Variants in ARB2A observed in about 807,000 individuals in gnomAD.
ARB2A encodes the protein ARB2 cotranscriptional regulator A.
At chr5:93,928,867 G>A in the ARB2A span, among the ~76,000 whole-genome samples, 4 of 151,858 alleles carry the variant, frequency 2.6e-5, no homozygotes, top group African/African-American at 4.8e-5. Context: ...GTACCAGCAC[G>A]TGCACATATA....
the ARB2A span, among the ~76,000 whole-genome samples, chr5:93,880,606 T>C: frequency 6.6e-6 from 1 of 151,774 alleles, no homozygotes; most frequent in Non-Finnish European, 1.5e-5. Flanking sequence ...ACCCGTAGCA[T>C]TTTCGACATG....
At chr5:94,059,192 CA>C in the ARB2A span, among the ~76,000 whole-genome samples, 1 of 148,062 alleles carries the variant, frequency 6.8e-6, no homozygotes, top group Non-Finnish European at 1.5e-5. Flanking sequence ...AAAAAAAAAA[CA>C]ATAGTTTTTA....
the ARB2A span, among the ~76,000 whole-genome samples, chr5:94,042,185 A>C: frequency 6.6e-6 from 1 of 152,178 alleles, no homozygotes; most frequent in African/African-American, 2.4e-5. Flanking sequence ...TCGTAAAAAA[A>C]ATTCTGTGTG....
chr5:93,753,757 C>G, the ARB2A span, among the ~76,000 whole-genome samples: 8 of 152,118 alleles, frequency 5.3e-5, no homozygotes, highest in African/African-American at 1.9e-4. Flanking sequence ...CCTGTCTAAG[C>G]TATAGTAGGG....
chr5:93,828,377 G>T, the ARB2A span, among the ~76,000 whole-genome samples: 4 of 152,188 alleles, frequency 2.6e-5, no homozygotes, highest in Non-Finnish European at 4.4e-5. Context: ...GTTCACTCAT[G>T]ATTTGGCTCT....
the ARB2A span, chr5:93,776,117 T>A: frequency 6.7e-7 from 1 of 1,490,568 alleles, no homozygotes; most frequent in South Asian, 1.3e-5. Context: ...TTTTTCACCC[T>A]GAAAAACAAC....
chr5:94,067,900 T>C, the ARB2A span, among the ~76,000 whole-genome samples: 1 of 152,172 alleles, frequency 6.6e-6, no homozygotes, highest in Non-Finnish European at 1.5e-5. Context: ...GGAGAGATCA[T>C]GCTAACCTGA....
At chr5:94,032,369 C>CCAGAGA in the ARB2A span, among the ~76,000 whole-genome samples, 1 of 152,082 alleles carries the variant, frequency 6.6e-6, no homozygotes, top group African/African-American at 2.4e-5. Context: ...AGAGCCAGAG[C>CCAGAGA]CAGAGACAGA....
chr5:93,912,594 T>A, the ARB2A span, among the ~76,000 whole-genome samples: 3 of 151,810 alleles, frequency 2.0e-5, no homozygotes, highest in African/African-American at 7.2e-5. Flanking sequence ...ATGGAAATTT[T>A]ATTTTGGTCC....
chr5:93,730,736 A>G, the ARB2A span, among the ~76,000 whole-genome samples: 1 of 152,172 alleles, frequency 6.6e-6, no homozygotes, highest in Non-Finnish European at 1.5e-5. Context: ...AGCTTTCTTA[A>G]TAAGTTCACA....
At chr5:93,683,021 G>A in the ARB2A span, 2 of 1,571,372 alleles carry the variant, frequency 1.3e-6, no homozygotes, top group Non-Finnish European at 1.7e-6. Context: ...TGTTTTAGGA[G>A]TTTTTTCCTG....
chr5:93,876,495 A>G, the ARB2A span, among the ~76,000 whole-genome samples: 1 of 152,142 alleles, frequency 6.6e-6, no homozygotes, highest in Non-Finnish European at 1.5e-5. Flanking sequence ...ATGTCTCAGA[A>G]AAGTGCTACA....
the ARB2A span, among the ~76,000 whole-genome samples, chr5:93,786,196 G>C: frequency 1.5e-4 from 23 of 152,340 alleles, no homozygotes; most frequent in African/African-American, 4.8e-4. Context: ...GACAGCATCT[G>C]AAGACACTAA....
At chr5:94,077,240 G>C in the ARB2A span, among the ~76,000 whole-genome samples, 1 of 151,924 alleles carries the variant, frequency 6.6e-6, no homozygotes, top group Non-Finnish European at 1.5e-5. Context: ...GAGTGTGGTG[G>C]CACACGCCTG....
At chr5:93,811,794 A>C in the ARB2A span, among the ~76,000 whole-genome samples, 1 of 152,204 alleles carries the variant, frequency 6.6e-6, no homozygotes, top group Non-Finnish European at 1.5e-5. Flanking sequence ...TTTAAGCATG[A>C]GAGATGCTGA....
the ARB2A span, among the ~76,000 whole-genome samples, chr5:94,048,051 CTTTTTTTTTTT>C: frequency 1.0e-5 from 1 of 96,086 alleles, no homozygotes; most frequent in Admixed American, 1.5e-4. Flanking sequence ...AATCGGTAAG[CTTTTTTTTTTT>C]TTTTTTTTTT....
chr5:93,998,195 T>G, the ARB2A span, among the ~76,000 whole-genome samples: 1 of 152,018 alleles, frequency 6.6e-6, no homozygotes, highest in Non-Finnish European at 1.5e-5. Flanking sequence ...CAAACATGAT[T>G]TTTTAAAATC....
chr5:93,742,754 T>G, the ARB2A span, among the ~76,000 whole-genome samples: 10 of 152,214 alleles, frequency 6.6e-5, no homozygotes, highest in Non-Finnish European at 7.3e-5. Flanking sequence ...TATCTGGCTA[T>G]AGTGACAACT....
chr5:93,719,919 T>A, the ARB2A span, among the ~76,000 whole-genome samples: 1 of 152,202 alleles, frequency 6.6e-6, no homozygotes, highest in Non-Finnish European at 1.5e-5. Context: ...TGCTTACTTT[T>A]CTAAGCACTT....
Sources: allele counts gnomAD v4.1 joint callset (sites outside exome capture counted in the v4.1 genomes callset), GRCh38; gene constraint gnomAD v4.1.1; transcripts MANE v1.5; gene names NCBI Gene and HGNC (gene_info 2026-07-23, HGNC 2026-07-21).